TBCA: variants seen among roughly 807,000 people sequenced by gnomAD.
The protein encoded by TBCA is tubulin-specific chaperone A.
In TBCA, 6 loss-of-function variants were observed where a neutral mutation model predicts 15.8. The ratio of observed to expected loss-of-function variants is 0.38; its 90% CI spans 0.21 to 0.75. The LOEUF is 0.75. TBCA is among the 30% of genes least tolerant of loss of function. The pLI, the probability that TBCA is intolerant of heterozygous loss-of-function variation, is 0.46. For synonymous variants in TBCA, 32 were observed against 42.3 expected, an observed-to-expected ratio of 0.76 and a Z score of 0.94; for missense variants, 90 against 131.2, an observed-to-expected ratio of 0.69 and a Z score of 1.53.
At chr5:77,727,490 G>A (rs749898740) in intron 1 of TBCA, among the ~76,000 whole-genome samples, 13 of 152,078 alleles carry the variant, frequency 8.5e-5, no homozygotes, top group South Asian at 2.1e-4. Flanking sequence ...ATGAGTACGA[G>A]AACAATACTA....
At chr5:77,755,719 T>C (rs1461941086) in intron 1 of TBCA, among the ~76,000 whole-genome samples, 3 of 150,828 alleles carry the variant, frequency 2.0e-5, no homozygotes, top group Admixed American at 6.6e-5. Context: ...TAAAACCAAA[T>C]AGGGGCCGGG....
At chr5:77,693,480 T>C in intron 2 of TBCA, 128 bp from the exon 3 acceptor site, 3 of 1,080,852 alleles carry the variant, frequency 2.8e-6, no homozygotes, top group Non-Finnish European at 4.0e-6. Context: ...AATGGTTCAA[T>C]ATTTTAACTT....
intron 1 of TBCA, among the ~76,000 whole-genome samples, chr5:77,774,060 GA>G (rs1181336663): frequency 6.6e-6 from 1 of 152,204 alleles, no homozygotes; most frequent in East Asian, 1.9e-4. Context: ...ATGATGGGAA[GA>G]GGGGGTCAGA....
At chr5:77,760,719 A>G (rs1292144794) in intron 1 of TBCA, among the ~76,000 whole-genome samples, 1 of 152,138 alleles carries the variant, frequency 6.6e-6, no homozygotes, top group African/African-American at 2.4e-5. Flanking sequence ...TCGCTCACTC[A>G]GTGCTCAATG....
At position 77,773,024 on chromosome 5, in the gene TBCA, T is replaced by C. The variant is rs190133091; in HGVS notation, c.53+3181A>G. Among the ~76,000 whole-genome samples the C allele has an allele frequency of 3.9e-5, 6 of 152,268 alleles. No homozygotes were observed. In the East Asian group the frequency reaches 1.2e-3, roughly 29 times the overall value. ...TGGGAAACTACCATTAGAAGTCATT[T>C]CTCATGACTTTCATTCTACAGCACT... On this transcript the variant is annotated intron_variant, in intron 1 of 3. Coordinates refer to ENST00000380377, the MANE Select transcript of TBCA (RefSeq NM_004607.3).
At chr5:77,708,433 A>G in intron 1 of TBCA, 86 bp from the exon 2 acceptor site, 1 of 758,044 alleles carries the variant, frequency 1.3e-6, no homozygotes, top group Non-Finnish European at 2.1e-6. Context: ...AACATATTAT[A>G]TTTAAAATAC....
intron 2 of TBCA, chr5:77,705,450 G>A: frequency 7.6e-6 from 3 of 393,680 alleles, no homozygotes; most frequent in Admixed American, 4.4e-5. Context: ...AGTGAAAGAG[G>A]TACAAAAGCA....
intron 1 of TBCA, among the ~76,000 whole-genome samples, chr5:77,766,546 G>T: frequency 5.0e-5 from 1 of 20,164 alleles, no homozygotes; most frequent in Non-Finnish European, 1.0e-4. Flanking sequence ...GTCTCGTTCT[G>T]TCGCCCAGGC....
At chr5:77,721,932 A>C (rs1484535985) in intron 1 of TBCA, among the ~76,000 whole-genome samples, 1 of 152,092 alleles carries the variant, frequency 6.6e-6, no homozygotes, top group East Asian at 1.9e-4. Flanking sequence ...CATTTTCACA[A>C]CTGGAGGCTT....
At chr5:77,696,632 A>G (rs1459363327) in intron 2 of TBCA, among the ~76,000 whole-genome samples, 1 of 152,200 alleles carries the variant, frequency 6.6e-6, no homozygotes, top group African/African-American at 2.4e-5. Flanking sequence ...TAATTTAAAA[A>G]ATCAGGGCTA....
At chr5:77,698,814 T>C (rs947907212) in intron 2 of TBCA, among the ~76,000 whole-genome samples, 5 of 152,104 alleles carry the variant, frequency 3.3e-5, no homozygotes, top group Admixed American at 2.0e-4. Context: ...GTGGGATTCA[T>C]TGTACGTATG....
At chr5:77,760,562 A>ACAGG (rs911673218) in intron 1 of TBCA, among the ~76,000 whole-genome samples, 20 of 152,048 alleles carry the variant, frequency 1.3e-4, no homozygotes, top group Non-Finnish European at 2.9e-4. Flanking sequence ...GCCTAGGATT[A>ACAGG]CAGGCACGCG....
At chr5:77,728,384 A>C (rs1291023856) in intron 1 of TBCA, among the ~76,000 whole-genome samples, 1 of 152,198 alleles carries the variant, frequency 6.6e-6, no homozygotes, top group African/African-American at 2.4e-5. Flanking sequence ...GTATGATTCT[A>C]TAAATTTGGT....
intron 1 of TBCA, among the ~76,000 whole-genome samples, chr5:77,722,167 T>C (rs899534583): frequency 1.3e-5 from 2 of 152,180 alleles, no homozygotes; most frequent in East Asian, 1.9e-4. Context: ...TGATTATACA[T>C]AAACATACAT....
chr5:77,748,292 T>C (rs1202558696), intron 1 of TBCA, among the ~76,000 whole-genome samples: 1 of 152,114 alleles, frequency 6.6e-6, no homozygotes, highest in African/African-American at 2.4e-5. Flanking sequence ...GTTCTGGCTC[T>C]ACCAGTAATT....
At chr5:77,736,206 G>C (rs1746899522) in intron 1 of TBCA, among the ~76,000 whole-genome samples, 1 of 152,006 alleles carries the variant, frequency 6.6e-6, no homozygotes, top group Non-Finnish European at 1.5e-5. Context: ...CGTGGTGGTG[G>C]TTGCCTGCAG....
chr5:77,724,868 A>AT (rs1746598358), intron 1 of TBCA, among the ~76,000 whole-genome samples: 1 of 152,318 alleles, frequency 6.6e-6, no homozygotes, highest in East Asian at 1.9e-4. Flanking sequence ...AGTCCTAATT[A>AT]TACCATGAAT....
chr5:77,755,597 TAATA>T lies in TBCA; in HGVS notation c.53+20604_53+20607del, dbSNP rs558934983. ...TCAAAAAATAAATAAAAATTTAAAA[TAATA>T]AATAAATAAAATGTGCACAAGAACA... On this transcript the variant is annotated intron_variant, in intron 1 of 3. Transcript: ENST00000380377. 1.3e-3 allele frequency among the ~76,000 whole-genome samples: 194 copies of T among 151,854 alleles called. 2 individuals are homozygous for T. The highest frequency in any genetic ancestry group is 4.0e-3 in the African/African-American group (165 of 41,420).
At chr5:77,762,045 A>C (rs187814663) in intron 1 of TBCA, among the ~76,000 whole-genome samples, 70 of 152,276 alleles carry the variant, frequency 4.6e-4, no homozygotes, top group Admixed American at 1.3e-3. Flanking sequence ...GCCCCCACCA[A>C]AGCTGCTGTA....
Sources: allele counts gnomAD v4.1 joint callset (sites outside exome capture counted in the v4.1 genomes callset), GRCh38; gene constraint gnomAD v4.1.1; transcripts MANE v1.5; gene names NCBI Gene and HGNC (gene_info 2026-07-23, HGNC 2026-07-21).